Variants in MYT1L observed in about 807,000 individuals in gnomAD.
MYT1L encodes the protein myelin transcription factor 1 like.
Under a neutral mutation model 126.7 loss-of-function variants are expected in MYT1L, and 12 were observed. The ratio of observed to expected loss-of-function variants is 0.09; its 90% CI spans 0.06 to 0.15. The LOEUF is 0.15. Among genes scored for constraint, MYT1L ranks in the 10% least tolerant of loss-of-function variants. The probability of loss-of-function intolerance (pLI) is 1.00; values close to 1 mark genes in which losing one functional copy is unlikely to be tolerated. For synonymous variants in MYT1L, 541 were observed against 604.2 expected, an observed-to-expected ratio of 0.90 and a Z score of 1.53; for missense variants, 979 against 1,585.2, an observed-to-expected ratio of 0.62 and a Z score of 6.49.
At chr2:2,268,845 TAA>T (rs987805381) in intron 2 of MYT1L, among the ~76,000 whole-genome samples, 2 of 152,138 alleles carry the variant, frequency 1.3e-5, no homozygotes, top group African/African-American at 4.8e-5. Flanking sequence ...GTTATTAGCC[TAA>T]GTAAAATATT....
intron 1 of MYT1L, among the ~76,000 whole-genome samples, chr2:2,330,079 A>T (rs190040826): frequency 6.6e-6 from 1 of 152,074 alleles, no homozygotes; most frequent in Admixed American, 6.5e-5. Context: ...GCTACATGAC[A>T]CTAAATGAAG....
intron 3 of MYT1L, among the ~76,000 whole-genome samples, chr2:2,170,026 G>C (rs1038058748): frequency 1.3e-5 from 2 of 152,200 alleles, no homozygotes; most frequent in Non-Finnish European, 2.9e-5. Flanking sequence ...TTCCACAGAG[G>C]TGGCAACCTT....
chr2:2,319,693 T>C (rs989512910), intron 1 of MYT1L, among the ~76,000 whole-genome samples: 2 of 152,062 alleles, frequency 1.3e-5, no homozygotes, highest in African/African-American at 4.8e-5. Flanking sequence ...CTTTAATCTA[T>C]TTCAAAATGC....
At chr2:2,204,287 T>G (rs2093212830) in intron 2 of MYT1L, among the ~76,000 whole-genome samples, 1 of 151,908 alleles carries the variant, frequency 6.6e-6, no homozygotes, top group African/African-American at 2.4e-5. Flanking sequence ...AAAGAGCTTC[T>G]GCACAGCAAA....
rs1418564523 is a variant in MYT1L at position 1,861,605 on chromosome 2, C to T, written c.2712-9902G>A. Among the ~76,000 whole-genome samples, 4 of 151,942 alleles carry T rather than the reference C, an allele frequency of 2.6e-5. No homozygotes were observed. The East Asian group carries it at 7.7e-4, about 29-fold the overall frequency. On this transcript the variant is annotated intron_variant, in intron 18 of 24. Transcript: ENST00000647738. ...AAAGACGCTGTGCTCTGCCTGCAGCCTGTGTAATCCTAGATCTGCCTGCAG... is the reference window on the plus strand; with the variant it reads ...AAAGACGCTGTGCTCTGCCTGCAGCTTGTGTAATCCTAGATCTGCCTGCAG...
rs1407565594 is a variant in MYT1L, at chr2:1,910,700, G to A, written c.1710-353C>T. On this transcript the variant is annotated intron_variant, in intron 12 of 24. Coordinates refer to ENST00000647738, the MANE Select transcript of MYT1L (RefSeq NM_001303052.2). The surrounding 1 kb of genome is among the most constrained non-coding windows in gnomAD (Gnocchi z 4.8). The stretch of plus-strand genomic sequence containing the variant: ...TGGAGATGAAGAATTAACAGCTTGG[G>A]TAGGATGAGTTTTGAAGCCCCAGAA... 6.6e-6 allele frequency among the ~76,000 whole-genome samples: 1 copy of A among 152,134 alleles called. No homozygotes were observed. The highest frequency in any genetic ancestry group is 1.5e-5 in the Non-Finnish European group (1 of 68,024).
rs1167910803 is a variant in MYT1L at position 2,217,685 on chromosome 2, C to CAAAAAAAAA, written c.-420-44698_-420-44697insTTTTTTTTT. Among the ~76,000 whole-genome samples, 10 of 79,632 alleles carry CAAAAAAAAA rather than the reference C, an allele frequency of 1.3e-4. 1 individual carries two copies. Among genetic ancestry groups the CAAAAAAAAA allele is most frequent in the Non-Finnish European group, 1.9e-4 (8 of 41,122 alleles). 52.2% of individuals were successfully genotyped at this position (79,632 alleles called of 152,430 possible). ...AACTCCATCTCAACAACAACAACAA[C>CAAAAAAAAA]AACAACAACAACAACAACAACAAAA... On this transcript the variant is annotated intron_variant, in intron 2 of 24. Coordinates refer to ENST00000647738, the MANE Select transcript of MYT1L (RefSeq NM_001303052.2).
chr2:2,006,669 G>A (rs530330130), intron 4 of MYT1L, among the ~76,000 whole-genome samples: 1 of 152,118 alleles, frequency 6.6e-6, no homozygotes, highest in Admixed American at 6.6e-5. Context: ...TCTGCCTCCT[G>A]GGTTCAAGTG....
rs140019387 is a variant in MYT1L, at chr2:2,152,767, G to A, written c.-304+20105C>T. ...GCAGTGGAAGAGTTTAAGCAGAGGC[G>A]TGGCCTGGATAAGTTAAGATTTATG... On this transcript the variant is annotated intron_variant, in intron 3 of 24. Coordinates refer to ENST00000647738, the MANE Select transcript of MYT1L (RefSeq NM_001303052.2). Among the ~76,000 whole-genome samples, 74 of 152,264 alleles carry A rather than the reference G, an allele frequency of 4.9e-4. 1 individual carries two copies. The East Asian group carries it at 0.013, about 26-fold the overall frequency.
At chr2:1,837,620 A>T (rs954264412) in intron 21 of MYT1L, among the ~76,000 whole-genome samples, 1 of 152,094 alleles carries the variant, frequency 6.6e-6, no homozygotes, top group Non-Finnish European at 1.5e-5. Flanking sequence ...ACAGGACACC[A>T]GGTGGCACGT....
chr2:2,182,131 G>A (rs986662590), intron 2 of MYT1L, among the ~76,000 whole-genome samples: 1 of 150,558 alleles, frequency 6.6e-6, no homozygotes, highest in African/African-American at 2.5e-5. Flanking sequence ...CACTCTGACC[G>A]CACTGTGTCT....
At position 2,149,274 on chromosome 2, in the gene MYT1L, C is replaced by A. The variant is rs73913222; in HGVS notation, c.-304+23598G>T. 8.7e-3 allele frequency among the ~76,000 whole-genome samples: 1,330 copies of A among 152,230 alleles called. 21 individuals are homozygous for A. Among genetic ancestry groups the A allele is most frequent in the African/African-American group, 0.027 (1,107 of 41,542 alleles). On this transcript the variant is annotated intron_variant, in intron 3 of 24. Transcript: ENST00000647738. ...CTTTAATGGAAAAGTGTCTTTAAAA[C>A]CAGCGGAAAAGAATAATGAATTCAG...
At chr2:1,825,905 G>C in intron 21 of MYT1L, 1 of 152,390 alleles carries the variant, frequency 6.6e-6, no homozygotes, top group Non-Finnish European at 1.5e-5. Flanking sequence ...ACACAGTATA[G>C]TCATTGCCCC....
chr2:2,314,698 A>G (rs776872360), intron 1 of MYT1L, among the ~76,000 whole-genome samples: 1 of 152,180 alleles, frequency 6.6e-6, no homozygotes, highest in Non-Finnish European at 1.5e-5. Flanking sequence ...GCTATTTATC[A>G]CAATGTTCTC....
In MYT1L at chr2:1,915,589, G is replaced by C. The variant is rs1265439306; in HGVS notation, c.1618+1616C>G. 2.0e-5 allele frequency among the ~76,000 whole-genome samples: 3 copies of C among 152,330 alleles called. No homozygotes were observed. The East Asian group carries it at 5.8e-4, about 29-fold the overall frequency. ...CTTTCTTCTTAAAACACTAGAGCTT[G>C]GTCCTCCTGCCTCACTTTGCAGATG... is the stretch of plus-strand genomic sequence containing the variant. On this transcript the variant is annotated intron_variant, in intron 11 of 24. Coordinates refer to ENST00000647738, the MANE Select transcript of MYT1L (RefSeq NM_001303052.2).
chr2:1,789,543 G>A lies in MYT1L; in HGVS notation c.*2324C>T, dbSNP rs539615756. 9 of 152,284 alleles carry A rather than the reference G, an allele frequency of 5.9e-5. No individual in the cohort carries two copies. In the East Asian group the frequency reaches 7.7e-4, roughly 13 times the overall value. The allele number at this position is 152,284 out of a possible 1,614,324, so 9.4% of individuals were successfully genotyped here. ...ATGTACCAACGTTAGATGAGCAGCA[G>A]GTTTGTGCTTAAAATCCCTTTCCAT... On this transcript the variant is annotated 3_prime_UTR_variant, in exon 25 of 25. Transcript: ENST00000647738.
Position 1,887,339 on chromosome 2 carries a change from C to T in MYT1L, c.2642+149G>A, listed in dbSNP as rs1297456942. On this transcript the variant is annotated intron_variant, in intron 17 of 24. Transcript: ENST00000647738. This position sits in a 1 kb window ranked among gnomAD's most constrained non-coding sequence, Gnocchi z 4.8. ...ACAGGCAAGTGCACGGTTAGCTGCT[C>T]ACTCTACTGACCCAGCAGTCGGAAA... 6.1e-6 allele frequency: 6 copies of T among 984,746 alleles called. No homozygotes were observed. Among genetic ancestry groups the T allele is most frequent in the Non-Finnish European group, 9.1e-6 (6 of 657,748 alleles). The allele number at this position is 984,746 out of a possible 1,614,324, so 61.0% of individuals were successfully genotyped here. A position where few individuals can be genotyped will look rare whatever the true frequency, so the allele number is the denominator to read the frequency against.
chr2:2,075,241 G>C (rs2075085905), intron 3 of MYT1L, among the ~76,000 whole-genome samples: 1 of 152,142 alleles, frequency 6.6e-6, no homozygotes, highest in Non-Finnish European at 1.5e-5. Context: ...TATAAAGAAA[G>C]GATTATTTTT....
At chr2:2,279,514 G>T (rs1167862563) in intron 2 of MYT1L, among the ~76,000 whole-genome samples, 1 of 150,308 alleles carries the variant, frequency 6.7e-6, no homozygotes, top group Non-Finnish European at 1.5e-5. Context: ...TAAGAAGAGA[G>T]AAAGAGGGAG....
Sources: gnomAD v4.1 joint callset for allele counts (sites outside exome capture counted in the v4.1 genomes callset) on GRCh38, gnomAD v4.1.1 for gene constraint, Gnocchi (gnomAD v3.1) non-coding constraint, MANE v1.5 for transcripts, NCBI Gene and HGNC (gene_info 2026-07-23, HGNC 2026-07-21) for gene names.